Variants in COL23A1 observed in about 807,000 individuals in gnomAD.
The protein encoded by COL23A1 is collagen type XXIII alpha 1 chain.
In COL23A1, 97 loss-of-function variants were observed where a neutral mutation model predicts 99.3. The observed-to-expected ratio is 0.98, with a 90% confidence interval of 0.83 to 1.16. COL23A1 has a LOEUF of 1.16. Ranked by LOEUF, COL23A1 falls within the 50% of genes most tolerant of loss-of-function variation. The pLI is 0.00. For synonymous variants in COL23A1, 320 were observed against 308.2 expected, an observed-to-expected ratio of 1.04 and a Z score of -0.40; for missense variants, 762 against 757.4, an observed-to-expected ratio of 1.01 and a Z score of -0.07.
chr5:178,542,666 C>A (rs909978286), intron 2 of COL23A1, among the ~76,000 whole-genome samples: 1 of 151,496 alleles, frequency 6.6e-6, no homozygotes, highest in South Asian at 2.1e-4. Context: ...AATACCAGAG[C>A]TCTAGACAGA....
intron 2 of COL23A1, among the ~76,000 whole-genome samples, chr5:178,320,124 T>C (rs935105642): frequency 6.6e-6 from 1 of 152,244 alleles, no homozygotes; most frequent in Non-Finnish European, 1.5e-5. Context: ...TTTCCTCTTT[T>C]ATCTTCTTCC....
intron 2 of COL23A1, among the ~76,000 whole-genome samples, chr5:178,440,353 G>T (rs987205522): frequency 6.6e-6 from 1 of 151,982 alleles, no homozygotes; most frequent in South Asian, 2.1e-4. Context: ...CATAACCACC[G>T]CCAGCTTCTC....
At chr5:178,411,400 TCAAAAGATGAATA>T (rs1303445315) in intron 2 of COL23A1, among the ~76,000 whole-genome samples, 1 of 151,772 alleles carries the variant, frequency 6.6e-6, no homozygotes, top group Non-Finnish European at 1.5e-5. Flanking sequence ...CAAATGCCCA[TCAAAAGATGAATA>T]GGTAAACAAA....
intron 2 of COL23A1, among the ~76,000 whole-genome samples, chr5:178,539,070 A>G (rs1346776918): frequency 1.3e-5 from 2 of 152,224 alleles, no homozygotes; most frequent in Non-Finnish European, 2.9e-5. Context: ...CAGGGCCTGT[A>G]GGAAGGGGCT....
chr5:178,331,574 G>A (rs777916464), intron 2 of COL23A1, among the ~76,000 whole-genome samples: 4 of 152,220 alleles, frequency 2.6e-5, no homozygotes, highest in Non-Finnish European at 4.4e-5. Flanking sequence ...GGCAGGGTGC[G>A]GAGCAGGGAG....
intron 8 of COL23A1, among the ~76,000 whole-genome samples, chr5:178,264,404 T>C (rs1765800481): frequency 6.6e-6 from 1 of 151,060 alleles, no homozygotes; most frequent in African/African-American, 2.4e-5. Context: ...TCCCCAACTT[T>C]AGAACCTGAT....
intron 2 of COL23A1, among the ~76,000 whole-genome samples, chr5:178,542,675 G>GA (rs201841375): frequency 0.015 from 2,120 of 145,814 alleles, 50 homozygotes; most frequent in African/African-American, 0.049. Flanking sequence ...GCTCTAGACA[G>GA]AAAAATGGGA....
intron 2 of COL23A1, among the ~76,000 whole-genome samples, chr5:178,426,608 C>A (rs1371677451): frequency 6.6e-6 from 1 of 152,202 alleles, no homozygotes; most frequent in Non-Finnish European, 1.5e-5. Context: ...CCACCCCCTG[C>A]AGCCTGCCAC....
chr5:178,285,781 T>C (rs1017214018), intron 5 of COL23A1, among the ~76,000 whole-genome samples: 2 of 152,226 alleles, frequency 1.3e-5, no homozygotes, highest in East Asian at 3.8e-4. Context: ...GCCTCTGGGA[T>C]GACCACATGG....
intron 1 of COL23A1, among the ~76,000 whole-genome samples, chr5:178,579,622 T>G (rs1763559461): frequency 6.6e-6 from 1 of 152,094 alleles, no homozygotes; most frequent in African/African-American, 2.4e-5. Context: ...CACGGCTGAT[T>G]TTTGTACTTT....
chr5:178,244,571 T>G (rs1037956641), intron 25 of COL23A1, among the ~76,000 whole-genome samples: 16 of 152,148 alleles, frequency 1.1e-4, no homozygotes, highest in Non-Finnish European at 2.9e-5. Flanking sequence ...TCTTCTTAGT[T>G]TGGGCCTGGC....
At chr5:178,518,664 C>T (rs1581551847) in intron 2 of COL23A1, among the ~76,000 whole-genome samples, 2 of 118,942 alleles carry the variant, frequency 1.7e-5, no homozygotes, top group Admixed American at 7.6e-5. Context: ...GATGGGATGG[C>T]GGCCGGGCGG....
chr5:178,403,296 C>T (rs1382921398), intron 2 of COL23A1, among the ~76,000 whole-genome samples: 1 of 152,168 alleles, frequency 6.6e-6, no homozygotes, highest in Non-Finnish European at 1.5e-5. Context: ...GGAGGAATAA[C>T]CTGCCCAAGG....
intron 2 of COL23A1, among the ~76,000 whole-genome samples, chr5:178,518,655 ATG>A (rs1346495479): frequency 2.6e-3 from 295 of 115,482 alleles, no homozygotes; most frequent in African/African-American, 9.4e-3. Context: ...CACTTCCTAG[ATG>A]GGATGGCGGC....
rs4383738 is a variant in COL23A1 at position 178,439,784 on chromosome 5, A to G, written c.361+120898T>C. 0.29 allele frequency: 44,743 copies of G among 152,174 alleles called. 7,355 individuals are homozygous for G. Among genetic ancestry groups the G allele is most frequent in the Middle Eastern group, 0.39 (115 of 292 alleles). 9.4% of individuals were successfully genotyped at this position (152,174 alleles called of 1,614,324 possible). The stretch of plus-strand genomic sequence containing the variant: ...GAAGCGTTCTTCAAAATAGCCCCAA[A>G]CTGGAAACAATCCAAGCATCCATCA... On this transcript the variant is annotated intron_variant, in intron 2 of 28. Transcript: ENST00000390654. The surrounding 1 kb of genome is among the most constrained non-coding windows in gnomAD (Gnocchi z 4.2).
At chr5:178,260,592 C>T (rs575014369) in intron 11 of COL23A1, among the ~76,000 whole-genome samples, 4 of 152,188 alleles carry the variant, frequency 2.6e-5, no homozygotes, top group East Asian at 1.9e-4. Flanking sequence ...GTCAGAAGTT[C>T]GAGGCCAGCC....
chr5:178,509,499 G>T (rs150045194), intron 2 of COL23A1, among the ~76,000 whole-genome samples: 1 of 152,142 alleles, frequency 6.6e-6, no homozygotes, highest in African/African-American at 2.4e-5. Flanking sequence ...GGGATTACAG[G>T]CGTGAGCCAC....
chr5:178,588,148 C>T (rs1213712161), intron 1 of COL23A1, among the ~76,000 whole-genome samples: 3 of 152,220 alleles, frequency 2.0e-5, no homozygotes, highest in Non-Finnish European at 2.9e-5. Context: ...AGAGAACACA[C>T]ACCCTGTCCA....
intron 1 of COL23A1, among the ~76,000 whole-genome samples, chr5:178,568,216 A>G (rs935854560): frequency 2.0e-5 from 3 of 152,258 alleles, no homozygotes; most frequent in Non-Finnish European, 4.4e-5. Context: ...AAGCAAGGGA[A>G]GACTGAGAAA....
Sources: gnomAD v4.1 joint callset for allele counts (sites outside exome capture counted in the v4.1 genomes callset) on GRCh38, gnomAD v4.1.1 for gene constraint, Gnocchi (gnomAD v3.1) non-coding constraint, MANE v1.5 for transcripts, NCBI Gene and HGNC (gene_info 2026-07-23, HGNC 2026-07-21) for gene names.